FGD5: variants seen among roughly 807,000 people sequenced by gnomAD.
The protein encoded by FGD5 is FYVE, RhoGEF and PH domain-containing protein 5.
FGD5 carries 28 observed loss-of-function variants against 133.4 expected under a neutral mutation model. The ratio of observed to expected loss-of-function variants is 0.21; its 90% CI spans 0.16 to 0.29. The LOEUF (loss-of-function observed/expected upper bound fraction) is 0.29, where lower values mean the gene tolerates loss of function less well. Among genes scored for constraint, FGD5 ranks in the 10% least tolerant of loss-of-function variants. The probability of loss-of-function intolerance (pLI) is 1.00; values close to 1 mark genes in which losing one functional copy is unlikely to be tolerated. For missense variants in FGD5, 1,858 were observed against 1,895.2 expected (o/e 0.98, Z 0.36); for synonymous variants, 810 against 776.5 (o/e 1.04, Z -0.72).
chr3:14,811,642 G>A (rs911462871), intron 1 of FGD5, among the ~76,000 whole-genome samples: 1 of 152,034 alleles, frequency 6.6e-6, no homozygotes, highest in South Asian at 2.1e-4. Context: ...CAGAGATTCC[G>A]TGAAATCAAA....
At chr3:14,853,038 A>C (rs1384873108) in intron 1 of FGD5, among the ~76,000 whole-genome samples, 7 of 150,858 alleles carry the variant, frequency 4.6e-5, no homozygotes, top group Middle Eastern at 3.2e-3. Flanking sequence ...GACGTAGCCC[A>C]GATGACGCAG....
Position 14,910,938 on chromosome 3 carries a change from C to A in FGD5, c.3405+9C>A. 1 of 1,609,578 alleles carries A rather than the reference C, an allele frequency of 6.2e-7. No homozygotes were observed. ...CCCGGCACCTATTTCTGGTAAGTGC[C>A]CGGTCCCCAAGCCCAGCTCAGGAAC... On this transcript the variant is annotated intron_variant, in intron 11 of 19. Coordinates refer to ENST00000285046, the MANE Select transcript of FGD5 (RefSeq NM_152536.4).
intron 4 of FGD5, among the ~76,000 whole-genome samples, chr3:14,881,036 T>G (rs928876586): frequency 1.3e-5 from 2 of 152,162 alleles, no homozygotes; most frequent in African/African-American, 4.8e-5. Context: ...GAGGTTTCCT[T>G]AGCCCTCTTG....
chr3:14,815,366 T>A (rs1041815661), upstream of FGD5, among the ~76,000 whole-genome samples: 2 of 148,956 alleles, frequency 1.3e-5, no homozygotes, highest in African/African-American at 5.1e-5. Context: ...AAAAAAAAAA[T>A]ACTCCTAATC....
intron 4 of FGD5, among the ~76,000 whole-genome samples, chr3:14,893,393 C>T (rs1175441579): frequency 6.6e-6 from 1 of 152,148 alleles, no homozygotes; most frequent in Non-Finnish European, 1.5e-5. Flanking sequence ...ACTCTGTCAA[C>T]CAGGTTGGAG....
Position 14,934,251 on chromosome 3 carries a change from T to A in FGD5, c.*1084T>A, listed in dbSNP as rs1268500481. 1 of 152,230 alleles carries A rather than the reference T, an allele frequency of 6.6e-6. No individual in the cohort carries two copies. Among genetic ancestry groups the A allele is most frequent in the Admixed American group, 6.5e-5 (1 of 15,288 alleles). 9.4% of individuals were successfully genotyped at this position (152,230 alleles called of 1,614,324 possible). On this transcript the variant is annotated 3_prime_UTR_variant, in exon 20 of 20. Coordinates refer to ENST00000285046, the MANE Select transcript of FGD5 (RefSeq NM_152536.4). The stretch of plus-strand genomic sequence containing the variant: ...CAGAAGTCGTGGCCTGAGGCTGTTC[T>A]ATGGGCACTTGGGGCTAAATCGCCT...
At position 14,898,468 on chromosome 3, in the gene FGD5, A is replaced by G. The variant is rs1207306731; in HGVS notation, c.3067-271A>G. Among the ~76,000 whole-genome samples the G allele has an allele frequency of 2.6e-5, 4 of 152,282 alleles. No homozygotes were observed. In the East Asian group the frequency reaches 5.8e-4, roughly 22 times the overall value. On this transcript the variant is annotated intron_variant, in intron 6 of 19. Transcript: ENST00000285046. Reference sequence around the variant, plus strand: ...GCAGAAAAAGGGGGAGCTTTCCTCCATTGCTAACATTAAGAGCAGGGCAGG... The same window carrying G: ...GCAGAAAAAGGGGGAGCTTTCCTCCGTTGCTAACATTAAGAGCAGGGCAGG...
chr3:14,821,865 G>A (rs1461427322), intron 1 of FGD5, among the ~76,000 whole-genome samples: 2 of 152,186 alleles, frequency 1.3e-5, no homozygotes, highest in African/African-American at 4.8e-5. Context: ...ACTTTGGGAG[G>A]CCGAGGCGGG....
chr3:14,867,030 C>T (rs2037508642), intron 2 of FGD5, among the ~76,000 whole-genome samples: 1 of 152,192 alleles, frequency 6.6e-6, no homozygotes, highest in African/African-American at 2.4e-5. Flanking sequence ...TGCCCTCCTC[C>T]CCCTCATTCT....
At chr3:14,838,508 G>T (rs1230490884) in intron 1 of FGD5, among the ~76,000 whole-genome samples, 6 of 152,152 alleles carry the variant, frequency 3.9e-5, no homozygotes, top group Non-Finnish European at 8.8e-5. Flanking sequence ...TGACCCCCCA[G>T]TGATTCAGGT....
chr3:14,910,561 G>A (rs2038428610), intron 10 of FGD5, among the ~76,000 whole-genome samples: 1 of 152,126 alleles, frequency 6.6e-6, no homozygotes, highest in Non-Finnish European at 1.5e-5. Context: ...TTAATGTTAA[G>A]GATTTTAGAC....
intron 2 of FGD5, among the ~76,000 whole-genome samples, chr3:14,870,220 G>A (rs114564860): frequency 0.01 from 1,578 of 152,320 alleles, 35 homozygotes; most frequent in East Asian, 0.054. Flanking sequence ...TGCAAGGGCA[G>A]GAGGGCGGAG....
intron 2 of FGD5, among the ~76,000 whole-genome samples, chr3:14,868,244 C>A (rs1051394458): frequency 1.3e-5 from 2 of 152,260 alleles, no homozygotes; most frequent in East Asian, 3.9e-4. Flanking sequence ...CGAGACCAGC[C>A]CAGTAGCCAG....
intron 9 of FGD5, among the ~76,000 whole-genome samples, chr3:14,905,690 C>T (rs926336317): frequency 6.6e-6 from 1 of 151,996 alleles, no homozygotes; most frequent in Non-Finnish European, 1.5e-5. Flanking sequence ...TCACCTTTCC[C>T]ACCAGGTCCT....
chr3:14,869,605 TC>T (rs1179945066), intron 2 of FGD5, among the ~76,000 whole-genome samples: 1 of 152,092 alleles, frequency 6.6e-6, no homozygotes, highest in African/African-American at 2.4e-5. Context: ...CCATTCCTCC[TC>T]CCCTATCCCC....
chr3:14,907,993 G>T (rs2038371911), intron 10 of FGD5, among the ~76,000 whole-genome samples: 2 of 152,206 alleles, frequency 1.3e-5, no homozygotes, highest in Admixed American at 1.3e-4. Flanking sequence ...CCAAGGAGAG[G>T]AAGCACCAAA....
Position 14,854,944 on chromosome 3 carries a change from A to G in FGD5, c.2526-9184A>G, listed in dbSNP as rs577610178. The stretch of plus-strand genomic sequence containing the variant: ...TGTAGTCCTCCTACAGTGCTATGGA[A>G]CCCTAGAACTTATTCCTCTTATCTG... On this transcript the variant is annotated intron_variant, in intron 1 of 19. Coordinates refer to ENST00000285046, the MANE Select transcript of FGD5 (RefSeq NM_152536.4). Among the ~76,000 whole-genome samples, 5 of 152,260 alleles carry G rather than the reference A, an allele frequency of 3.3e-5. No individual in the cohort carries two copies. The East Asian group carries it at 9.7e-4, about 29-fold the overall frequency.
In FGD5 at chr3:14,819,938, A is replaced by G. The variant is rs2036449471; in HGVS notation, c.867A>G (p.Glu289=). Residue 289 remains glutamate, a synonymous_variant, in exon 1 of 20, where the codon GAA becomes GAG. Coordinates refer to ENST00000285046, the MANE Select transcript of FGD5 (RefSeq NM_152536.4). This position sits in a 1 kb window ranked among gnomAD's most constrained non-coding sequence, Gnocchi z 4.1. The part of the protein sequence containing the change: ...CEEATGVTGG[E]QVDLSEPPDH... ...AGGCCACGGGTGTCACAGGTGGGGA[A>G]CAGGTTGACCTCAGTGAACCACCTG... 5.6e-6 allele frequency: 9 copies of G among 1,613,980 alleles called. No homozygotes were observed. The highest frequency in any genetic ancestry group is 7.6e-6 in the Non-Finnish European group (9 of 1,179,888).
chr3:14,905,197 T>C (rs1024070809), intron 9 of FGD5, among the ~76,000 whole-genome samples: 1 of 152,214 alleles, frequency 6.6e-6, no homozygotes, highest in African/African-American at 2.4e-5. Flanking sequence ...TTGCTGCCAC[T>C]CCACTGTCTT....
Sources: allele counts gnomAD v4.1 joint callset (sites outside exome capture counted in the v4.1 genomes callset), GRCh38; gene constraint gnomAD v4.1.1; non-coding constraint Gnocchi (gnomAD v3.1); transcripts MANE v1.5; gene names NCBI Gene and HGNC (gene_info 2026-07-23, HGNC 2026-07-21).